The following AP1S3 variants were observed in gnomAD, a reference collection of about 807,000 sequenced individuals.
The protein encoded by AP1S3 is AP-1 complex subunit sigma-3.
A neutral mutation model predicts 20.9 loss-of-function variants in AP1S3; 10 were observed. The observed-to-expected ratio is 0.48, with a 90% CI of 0.29 to 0.81. The LOEUF (loss-of-function observed/expected upper bound fraction) is 0.81. Among genes scored for constraint, AP1S3 ranks in the 30% least tolerant of loss-of-function variants. AP1S3 has a pLI of 0.08. For missense variants in AP1S3, 154 were observed against 183.8 expected (o/e 0.84, Z 0.94); for synonymous variants, 41 against 61.5 (o/e 0.67, Z 1.56).
chr2:223,806,227 T>C (rs1055347539), intron 1 of AP1S3, among the ~76,000 whole-genome samples: 1 of 151,716 alleles, frequency 6.6e-6, no homozygotes, highest in African/African-American at 2.4e-5. Flanking sequence ...TGCAAATGCA[T>C]GCCATGTGAA....
chr2:223,795,835 A>G (rs1232036908), intron 1 of AP1S3, among the ~76,000 whole-genome samples: 1 of 152,216 alleles, frequency 6.6e-6, no homozygotes, highest in Non-Finnish European at 1.5e-5. Flanking sequence ...TATAGTGTAG[A>G]GTCCAGCAAA....
Position 223,796,435 on chromosome 2 carries a change from T to TC in AP1S3, c.4-18567dup, listed in dbSNP as rs576070827. Among the ~76,000 whole-genome samples, 608 of 152,268 alleles carry TC rather than the reference T, an allele frequency of 4.0e-3. 3 individuals carry two copies. Among genetic ancestry groups the TC allele is most frequent in the South Asian group, 7.7e-3 (37 of 4,826 alleles). On this transcript the variant is annotated intron_variant, in intron 1 of 4. Transcript: ENST00000396654. ...GTCTAGCTGACTTACTTACCTTGTCTCCTTAATCGCCTGGTCTCATCAGTC... is the reference window on the plus strand; with the variant it reads ...GTCTAGCTGACTTACTTACCTTGTCTCCCTTAATCGCCTGGTCTCATCAGTC...
chr2:223,795,366 G>A (rs1691311979), intron 1 of AP1S3, among the ~76,000 whole-genome samples: 1 of 152,216 alleles, frequency 6.6e-6, no homozygotes, highest in Non-Finnish European at 1.5e-5. Flanking sequence ...TTTGCCAGAC[G>A]GAAGTTTCCC....
intron 1 of AP1S3, among the ~76,000 whole-genome samples, chr2:223,815,150 G>A (rs1183943009): frequency 6.6e-6 from 1 of 152,228 alleles, no homozygotes; most frequent in Admixed American, 6.5e-5. Context: ...GGGTGACAGA[G>A]TTAGCAAAAC....
intron 4 of AP1S3, among the ~76,000 whole-genome samples, chr2:223,763,102 ACT>A (rs1390624130): frequency 6.6e-6 from 1 of 152,084 alleles, no homozygotes; most frequent in Non-Finnish European, 1.5e-5. Flanking sequence ...CACTAATAAC[ACT>A]CTCTGTATTT....
At chr2:223,779,751 T>A (rs902270647) in intron 1 of AP1S3, among the ~76,000 whole-genome samples, 2 of 152,138 alleles carry the variant, frequency 1.3e-5, no homozygotes, top group African/African-American at 4.8e-5. Context: ...GTGGATCACC[T>A]GAGGTCAGGA....
intron 3 of AP1S3, among the ~76,000 whole-genome samples, chr2:223,767,876 C>T (rs1227240583): frequency 6.6e-6 from 1 of 152,154 alleles, no homozygotes; most frequent in Non-Finnish European, 1.5e-5. Flanking sequence ...TTGATCTCAT[C>T]CCTCTGGATT....
chr2:223,762,844 T>C (rs1574683632), intron 4 of AP1S3, among the ~76,000 whole-genome samples: 1 of 152,060 alleles, frequency 6.6e-6, no homozygotes, highest in Admixed American at 6.6e-5. Flanking sequence ...CTACTGAAGA[T>C]TGACAGCTGT....
At chr2:223,794,524 G>T (rs190501850) in intron 1 of AP1S3, among the ~76,000 whole-genome samples, 4 of 152,180 alleles carry the variant, frequency 2.6e-5, no homozygotes, top group Non-Finnish European at 4.4e-5. Flanking sequence ...ACTTGTATTT[G>T]CCACATCTTC....
At chr2:223,786,636 G>C (rs951902938) in intron 1 of AP1S3, among the ~76,000 whole-genome samples, 2 of 151,908 alleles carry the variant, frequency 1.3e-5, no homozygotes, top group African/African-American at 4.8e-5. Context: ...GAAGGAGAAG[G>C]TCAGGTGTGG....
chr2:223,770,424 G>A (rs1160478590), intron 3 of AP1S3: 12 of 1,492,506 alleles, frequency 8.0e-6, no homozygotes, highest in East Asian at 2.6e-5. Flanking sequence ...AGCAGCCATG[G>A]GGCAATTAAT....
At chr2:223,775,378 G>GA (rs1282724537) in intron 3 of AP1S3, among the ~76,000 whole-genome samples, 4 of 152,014 alleles carry the variant, frequency 2.6e-5, no homozygotes, top group Non-Finnish European at 5.9e-5. Context: ...TTATAGCTTA[G>GA]AAAAAAAGCC....
At chr2:223,831,900 C>A (rs1350344777) in intron 1 of AP1S3, among the ~76,000 whole-genome samples, 1 of 151,916 alleles carries the variant, frequency 6.6e-6, no homozygotes, top group Non-Finnish European at 1.5e-5. Flanking sequence ...CACGGTGAAA[C>A]CCCATCTCCA....
intron 4 of AP1S3, among the ~76,000 whole-genome samples, chr2:223,758,953 C>T (rs1051816412): frequency 6.6e-6 from 1 of 152,126 alleles, no homozygotes; most frequent in Non-Finnish European, 1.5e-5. Context: ...AATTAAGTAA[C>T]TTTCAACTGA....
At chr2:223,822,908 G>A (rs1048645243) in intron 1 of AP1S3, among the ~76,000 whole-genome samples, 1 of 150,762 alleles carries the variant, frequency 6.6e-6, no homozygotes, top group South Asian at 2.1e-4. Flanking sequence ...CAACCCAACT[G>A]AAAAAAAATG....
rs1690476749 is a variant in AP1S3 at position 223,766,274 on chromosome 2, GGTT to G, written c.292-927_292-925del. 2.0e-5 allele frequency among the ~76,000 whole-genome samples: 3 copies of G among 152,108 alleles called. 1 individual carries two copies. In the South Asian group the frequency reaches 6.2e-4, roughly 32 times the overall value. On this transcript the variant is annotated intron_variant, in intron 3 of 4. Transcript: ENST00000396654. ...ATATCCTTCGCCCACTTTTTGATGG[GGTT>G]GTTTTTTTTCTTGTACATTTGTTTA... is the stretch of plus-strand genomic sequence containing the variant.
intron 2 of AP1S3, among the ~76,000 whole-genome samples, chr2:223,777,312 T>C (rs1452158023): frequency 6.6e-6 from 1 of 152,134 alleles, no homozygotes; most frequent in Non-Finnish European, 1.5e-5. Context: ...AGAGAATCGC[T>C]TGAACCCAGG....
At position 223,809,973 on chromosome 2, in the gene AP1S3, C is replaced by T. The variant is rs58293182; in HGVS notation, c.3+27475G>A. Among the ~76,000 whole-genome samples, 485 of 152,050 alleles carry T rather than the reference C, an allele frequency of 3.2e-3. 2 individuals carry two copies. The highest frequency in any genetic ancestry group is 0.011 in the African/African-American group (451 of 41,516). The stretch of plus-strand genomic sequence containing the variant: ...CAAACTCCTGACCTCGTGATCCACC[C>T]GCCTCGGCCTCCCAAAGTGCTGGGA... On this transcript the variant is annotated intron_variant, in intron 1 of 4. Coordinates refer to ENST00000396654, the MANE Select transcript of AP1S3 (RefSeq NM_001039569.2).
Position 223,758,019 on chromosome 2 carries a change from AT to A in AP1S3, c.*695del. 1 of 974,948 alleles carries A rather than the reference AT, an allele frequency of 1.0e-6. No homozygotes were observed. The highest frequency in any genetic ancestry group is 4.7e-5 in the South Asian group (1 of 21,080). 60.4% of individuals were successfully genotyped at this position (974,948 alleles called of 1,614,324 possible). A position where few individuals can be genotyped will look rare whatever the true frequency, so the allele number is the denominator to read the frequency against. ...AAATATATAGTTCATAGAAAACCTT[AT>A]TGGAATGTCCCTTATATTCAATTAA... is the stretch of plus-strand genomic sequence containing the variant. On this transcript the variant is annotated 3_prime_UTR_variant, in exon 5 of 5. Coordinates refer to ENST00000396654, the MANE Select transcript of AP1S3 (RefSeq NM_001039569.2).
Sources: gnomAD v4.1 joint callset for allele counts (sites outside exome capture counted in the v4.1 genomes callset) on GRCh38, gnomAD v4.1.1 for gene constraint, MANE v1.5 for transcripts, NCBI Gene and HGNC (gene_info 2026-07-23, HGNC 2026-07-21) for gene names.